GPR108: variants seen among roughly 807,000 people sequenced by gnomAD.
GPR108 encodes the protein G protein-coupled receptor 108.
Under a neutral mutation model 74.3 loss-of-function variants are expected in GPR108, and 60 were observed. The ratio of observed to expected loss-of-function variants is 0.81; its 90% CI spans 0.66 to 1.00. The LOEUF (loss-of-function observed/expected upper bound fraction) is 1.00. Among genes scored for constraint, GPR108 ranks in the 50% least tolerant of loss-of-function variants. GPR108 has a pLI of 0.00. For synonymous variants in GPR108, 311 were observed against 292.4 expected (o/e 1.06, Z -0.65); for missense variants, 667 against 703.3 (o/e 0.95, Z 0.58).
At chr19:6,731,620 G>T in intron 14 of GPR108, 98 bp from the exon 15 acceptor site, 3 of 1,056,654 alleles carry the variant, frequency 2.8e-6, no homozygotes, top group Non-Finnish European at 4.0e-6. Context: ...GAACATCTGA[G>T]GGAGTGTCCA....
Position 6,732,563 on chromosome 19 carries a change from G to T in GPR108, c.934-14C>A. ...GTAGTAGTTGATCTGGGGGTGGATG[G>T]ACAGACGGACAGTGAGGCGCACAGA... On this transcript the variant is annotated splice_polypyrimidine_tract_variant and intron_variant, in intron 10 of 17. Transcript: ENST00000264080. The T allele has an allele frequency of 6.2e-7, 1 of 1,607,676 alleles. No homozygotes were observed.
Position 6,732,277 on chromosome 19 carries a change from C to T in GPR108, c.1111G>A (p.Val371Met), listed in dbSNP as rs772026669. ...TCCATCCGCACCTGCATGGGGATCACGATCCCAAAGACCTTCTTCTCCTTA... is the reference window on the plus strand; with the variant it reads ...TCCATCCGCACCTGCATGGGGATCATGATCCCAAAGACCTTCTTCTCCTTA... ...SDKEKKVFGI[V>M]IPMQVLANVA... Residue 371 changes from valine (V) to methionine (M), a missense_variant, in exon 12 of 18, where the codon GTG (valine) becomes ATG (methionine). Val to Met is a conservative substitution (Grantham distance 21). Transcript: ENST00000264080. 1.7e-5 allele frequency: 27 copies of T among 1,612,208 alleles called. No homozygotes were observed. Among genetic ancestry groups the T allele is most frequent in the African/African-American group, 6.7e-5 (5 of 74,946 alleles).
intron 2 of GPR108, 55 bp downstream of exon 2, chr19:6,736,537 A>G: frequency 1.3e-6 from 2 of 1,564,162 alleles, no homozygotes; most frequent in Non-Finnish European, 1.7e-6. Context: ...CTGGGAACCC[A>G]GAACCGGGGG....
In GPR108 at chr19:6,732,872, C is replaced by T. The variant is rs555443011; in HGVS notation, c.933+115G>A. 4.0e-4 allele frequency: 361 copies of T among 896,910 alleles called. 1 individual carries two copies. In the South Asian group the frequency reaches 5.2e-3, roughly 13 times the overall value. The allele number at this position is 896,910 out of a possible 1,614,324, so 55.6% of individuals were successfully genotyped here. On this transcript the variant is annotated intron_variant, in intron 10 of 17. Transcript: ENST00000264080. ...GCCACACTGGTAAAATGGGTGGACA[C>T]GTGGATAGCTGGCGGATGGCCCTCC... is the stretch of plus-strand genomic sequence containing the variant.
chr19:6,737,349 C>G, intron 1 of GPR108, 108 bp downstream of exon 1: 1 of 1,354,424 alleles, frequency 7.4e-7, no homozygotes, highest in Non-Finnish European at 9.7e-7. Context: ...CCGGACCACT[C>G]CACCGCCTCG....
chr19:6,731,255 T>C lies in GPR108; in HGVS notation c.1378A>G (p.Ile460Val). 1 of 1,558,996 alleles carries C rather than the reference T, an allele frequency of 6.4e-7. No individual in the cohort carries two copies. Residue 460 changes from isoleucine (I) to valine (V), a missense_variant, in exon 16 of 18, where the codon ATC becomes GTC. Ile to Val is a conservative substitution (Grantham distance 29). Transcript: ENST00000264080. The part of the protein sequence containing the change: ...MVICYVYFTR[I>V]IAILLQVAVP... ...GCCACCTGCAGCAGGATGGCGATGA[T>C]GCGGGTGAAGTAGACGTAGCAGATG...
rs776682091 is a variant in GPR108, at chr19:6,734,166, C to T, written c.499+17G>A. ...ACCTGCCCATCCACCCCCGTCTGCACAGCCAGCCTGACTCACCGCCATCCA... is the reference window on the plus strand; with the variant it reads ...ACCTGCCCATCCACCCCCGTCTGCATAGCCAGCCTGACTCACCGCCATCCA... On this transcript the variant is annotated intron_variant, in intron 5 of 17. Transcript: ENST00000264080. 4.3e-6 allele frequency: 7 copies of T among 1,614,076 alleles called. No individual in the cohort carries two copies. Among genetic ancestry groups the T allele is most frequent in the Non-Finnish European group, 5.9e-6 (7 of 1,180,026 alleles).
chr19:6,733,956 G>T, intron 6 of GPR108, 43 bp from the exon 7 acceptor site: 1 of 1,613,976 alleles, frequency 6.2e-7, no homozygotes, highest in Non-Finnish European at 8.5e-7. Context: ...CTGGGTCCCC[G>T]CAGGGCCCTG....
In GPR108 at chr19:6,730,182, C is replaced by A. The variant is rs754336637; in HGVS notation, c.*130G>T. On this transcript the variant is annotated 3_prime_UTR_variant, in exon 18 of 18. Coordinates refer to ENST00000264080, the MANE Select transcript of GPR108 (RefSeq NM_001080452.2). ...TCTTCCAAATGGGCTTGTCCGGGAA[C>A]CGGGGTCCCGGGGAGCTGGGCGCCT... 6.0e-6 allele frequency: 5 copies of A among 837,964 alleles called. No individual in the cohort carries two copies. The highest frequency in any genetic ancestry group is 1.0e-5 in the Non-Finnish European group (5 of 501,558). 51.9% of individuals were successfully genotyped at this position (837,964 alleles called of 1,614,324 possible). A position where few individuals can be genotyped will look rare whatever the true frequency, so the allele number is the denominator to read the frequency against.
chr19:6,731,628 C>T, intron 14 of GPR108, 106 bp from the exon 15 acceptor site: 1 of 1,006,700 alleles, frequency 9.9e-7, no homozygotes. Flanking sequence ...GAGGGAGTGT[C>T]CAGGAGCAGC....
In GPR108 at chr19:6,735,446, C is replaced by T; in HGVS notation, c.374+176G>A. 6.6e-6 allele frequency: 4 copies of T among 602,706 alleles called. No homozygotes were observed. In the South Asian group the frequency reaches 8.0e-5, roughly 12 times the overall value. 37.3% of individuals were successfully genotyped at this position (602,706 alleles called of 1,614,324 possible). A position where few individuals can be genotyped will look rare whatever the true frequency, so the allele number is the denominator to read the frequency against. On this transcript the variant is annotated intron_variant, in intron 4 of 17. Transcript: ENST00000264080. ...GTCTTCTGCCCTGAGACACCAACAC[C>T]CGCGGAGTCCCTCTCTCCTTCCTTC... is the stretch of plus-strand genomic sequence containing the variant.
intron 2 of GPR108, 46 bp downstream of exon 2, chr19:6,736,546 G>C (rs965867360): frequency 6.3e-7 from 1 of 1,581,344 alleles, no homozygotes; most frequent in Non-Finnish European, 8.6e-7. Context: ...CAGAACCGGG[G>C]GATTGCACCG....
In GPR108 at chr19:6,737,552, G is replaced by T. The variant is rs765888887; in HGVS notation, c.25C>A (p.Leu9Ile). The T allele has an allele frequency of 6.5e-7, 1 of 1,534,944 alleles. No individual in the cohort carries two copies. ...CACTCCGCGGGGCTCCCGCGGCCGAGCCCCCTCCTCTCGCTCACTGCCATC... is the reference window on the plus strand; with the variant it reads ...CACTCCGCGGGGCTCCCGCGGCCGATCCCCCTCCTCTCGCTCACTGCCATC... MAVSERRG[L>I]GRGSPAEWGQ... Residue 9 changes from leucine to isoleucine, a missense_variant, in exon 1 of 18, where the codon CTC becomes ATC. Physicochemically the swap from Leu to Ile is conservative, Grantham distance 5 (BLOSUM62 2). Transcript: ENST00000264080.
rs775923997 is a variant in GPR108, at chr19:6,733,830, G to A, written c.618+15C>T. ...CTGGGGTGACGGAAGGGCCGCAGGC[G>A]CTGCAAACACTCACACTGAAGTTGT... is the stretch of plus-strand genomic sequence containing the variant. On this transcript the variant is annotated intron_variant, in intron 7 of 17. Coordinates refer to ENST00000264080, the MANE Select transcript of GPR108 (RefSeq NM_001080452.2). 35 of 1,613,550 alleles carry A rather than the reference G, an allele frequency of 2.2e-5. No homozygotes were observed. The highest frequency in any genetic ancestry group is 1.2e-4 in the African/African-American group (9 of 74,894).
Position 6,731,897 on chromosome 19 carries a change from C to T in GPR108, c.1294G>A (p.Gly432Arg), listed in dbSNP as rs748731861. 1.9e-5 allele frequency: 30 copies of T among 1,612,284 alleles called. No homozygotes were observed. The highest frequency in any genetic ancestry group is 2.3e-5 in the Non-Finnish European group (27 of 1,179,648). The change falls in exon 14 of 18, where the codon GGG becomes AGG. Residue 432 changes from glycine (G) to arginine (R), a missense_variant. By Grantham distance (125) the Gly-to-Arg change is moderately radical (BLOSUM62 -2). Coordinates refer to ENST00000264080, the MANE Select transcript of GPR108 (RefSeq NM_001080452.2). ...RHLQDASGTD[G>R]KVAVNLAKLK... ...TGCAGGCGCAGGGCCTCACCCTTCC[C>T]GTCTGTGCCAGACGCATCCTGGAGA...
chr19:6,731,568 G>A (rs777135056), intron 14 of GPR108, 46 bp from the exon 15 acceptor site: 8 of 880,282 alleles, frequency 9.1e-6, no homozygotes, highest in Non-Finnish European at 1.0e-5. Flanking sequence ...CTGAGGGTGG[G>A]AGGGAGGGGA....
Position 6,733,210 on chromosome 19 carries a change from A to G in GPR108, c.815T>C (p.Leu272Pro), listed in dbSNP as rs1303221303. 1 of 1,613,992 alleles carries G rather than the reference A, an allele frequency of 6.2e-7. No individual in the cohort carries two copies. The highest frequency in any genetic ancestry group is 8.5e-7 in the Non-Finnish European group (1 of 1,180,038). Residue 272 changes from leucine to proline, a missense_variant, in exon 9 of 18, where the codon CTG (leucine) becomes CCG (proline). Coordinates refer to ENST00000264080, the MANE Select transcript of GPR108 (RefSeq NM_001080452.2). ...GGACACCCAGAAGATGCCAGCGGCC[A>G]GGAAGCAGGCGGACATGACCATGTA... Reference protein sequence around the residue: ...KLYMVMSACFLAAGIFWVSIL... With the variant: ...KLYMVMSACFPAAGIFWVSIL...
rs760470524 is a variant in GPR108, at chr19:6,736,772, G to A, written c.121-61C>T. ...CTCTTTCCGCCTGCCCAGCCCCAGG[G>A]GTCTGGCACGAGGACCTCCAGAAGG... On this transcript the variant is annotated intron_variant, in intron 1 of 17. Transcript: ENST00000264080. 4 of 1,609,514 alleles carry A rather than the reference G, an allele frequency of 2.5e-6. No individual in the cohort carries two copies. The South Asian group carries it at 4.4e-5, about 18-fold the overall frequency.
chr19:6,736,879 G>A, intron 1 of GPR108, 168 bp from the exon 2 acceptor site: 1 of 877,342 alleles, frequency 1.1e-6, no homozygotes, highest in African/African-American at 1.7e-5. Flanking sequence ...TGCAGGGGAA[G>A]GGTGGTCCTG....
Sources: gnomAD v4.1 joint callset for allele counts on GRCh38, gnomAD v4.1.1 for gene constraint, MANE v1.5 for transcripts, NCBI Gene and HGNC (gene_info 2026-07-23, HGNC 2026-07-21) for gene names.